The following WDR46 variants were observed in gnomAD, a reference collection of about 807,000 sequenced individuals.
WDR46 encodes WD repeat domain 46.
WDR46 carries 58 observed loss-of-function variants against 74.7 expected under a neutral mutation model. The observed-to-expected ratio is 0.78, with a 90% confidence interval of 0.63 to 0.97. The LOEUF (loss-of-function observed/expected upper bound fraction) is 0.97. Among genes scored for constraint, WDR46 ranks in the 50% least tolerant of loss-of-function variants. The pLI, the probability that WDR46 is intolerant of heterozygous loss-of-function variation, is 0.00. For synonymous variants in WDR46, 278 were observed against 297.3 expected, an observed-to-expected ratio of 0.93 and a Z score of 0.67; for missense variants, 702 against 790.1, an observed-to-expected ratio of 0.89 and a Z score of 1.34.
chr6:33,287,326 A>C (rs446735), intron 8 of WDR46, 29 bp downstream of exon 8: 871,155 of 1,611,646 alleles, frequency 0.54, 238,963 homozygotes, highest in African/African-American at 0.74. Flanking sequence ...AGGGCTTCCA[A>C]CCAGTTCCTG....
chr6:33,286,122 CAG>C (rs987940394), intron 10 of WDR46, among the ~76,000 whole-genome samples: 2 of 144,238 alleles, frequency 1.4e-5, no homozygotes, highest in African/African-American at 5.3e-5. Flanking sequence ...ACCTGGGAGA[CAG>C]AGCAAGACTA....
At chr6:33,288,127 C>T (rs1344837041) in intron 5 of WDR46, 21 bp downstream of exon 5, 2 of 1,614,082 alleles carry the variant, frequency 1.2e-6, no homozygotes, top group Non-Finnish European at 8.5e-7. Context: ...TCCCTTGGCT[C>T]CTTTACCTCC....
intron 8 of WDR46, 36 bp from the exon 9 acceptor site, chr6:33,287,262 G>T: frequency 6.2e-7 from 1 of 1,612,892 alleles, no homozygotes; most frequent in Non-Finnish European, 8.5e-7. Flanking sequence ...ACCCAGTCCT[G>T]ATTGCCCTCT....
intron 10 of WDR46, among the ~76,000 whole-genome samples, chr6:33,282,429 T>TGCTG (rs1766266865): frequency 6.6e-6 from 1 of 152,222 alleles, no homozygotes; most frequent in Non-Finnish European, 1.5e-5. Flanking sequence ...CAAGGATGCA[T>TGCTG]GCTGGCTCTT....
At chr6:33,286,312 T>C (rs1766626067) in intron 10 of WDR46, among the ~76,000 whole-genome samples, 1 of 152,002 alleles carries the variant, frequency 6.6e-6, no homozygotes, top group Non-Finnish European at 1.5e-5. Flanking sequence ...CCAGGTGTTG[T>C]AGCAGGCGCC....
rs1455457494 is a variant in WDR46 at position 33,289,110 on chromosome 6, T to G, written c.61A>C (p.Lys21Gln). The part of the protein sequence containing the change: ...VPPKKDKLQT[K>Q]RKKPRRYWEE... The stretch of plus-strand genomic sequence containing the variant: ...CCCAGGGAGGCCTCTACCTTTCTCT[T>G]GGTCTGAAGTTTGTCTTTCTTGGGC... Residue 21 changes from lysine (K) to glutamine (Q), a missense_variant, in exon 1 of 15, where the codon AAG becomes CAG. Lys to Gln is a moderately conservative substitution (Grantham distance 53). Transcript: ENST00000374617. 1 of 1,613,172 alleles carries G rather than the reference T, an allele frequency of 6.2e-7. No individual in the cohort carries two copies.
In WDR46 at chr6:33,288,778, C is replaced by T. The variant is rs1361643421; in HGVS notation, c.279+26G>A. The T allele has an allele frequency of 1.9e-6, 3 of 1,613,624 alleles. No homozygotes were observed. The South Asian group carries it at 3.3e-5, about 18-fold the overall frequency. On this transcript the variant is annotated intron_variant, in intron 2 of 14. Coordinates refer to ENST00000374617, the MANE Select transcript of WDR46 (RefSeq NM_005452.6). Reference sequence around the variant, plus strand: ...TCTCAAGGAACGAGGCGGCCTGCCTCGCCACCCATCAGGTCCCACGCTCAC... The same window carrying T: ...TCTCAAGGAACGAGGCGGCCTGCCTTGCCACCCATCAGGTCCCACGCTCAC...
At chr6:33,287,573 C>T (rs1204843411) in intron 7 of WDR46, 41 bp downstream of exon 7, 1 of 1,613,542 alleles carries the variant, frequency 6.2e-7, no homozygotes, top group Non-Finnish European at 8.5e-7. Context: ...CAGGAATGGA[C>T]TATCTCACCC....
At chr6:33,287,879 A>G (rs752557502) in intron 6 of WDR46, 86 bp downstream of exon 6, 9 of 1,562,890 alleles carry the variant, frequency 5.8e-6, no homozygotes, top group Non-Finnish European at 7.9e-6. Flanking sequence ...CCCTCCCCTC[A>G]TCAGCAACCC....
At chr6:33,280,289 GTGGGGAACCTGACCTTCTCCAGCA>G in intron 12 of WDR46, 115 bp downstream of exon 12, 1 of 771,408 alleles carries the variant, frequency 1.3e-6, no homozygotes, top group Non-Finnish European at 2.1e-6. Context: ...TTCTCCAGCA[GTGGGGAACCTGACCTTCTCCAGCA>G]GGGGGGAACC....
At position 33,288,586 on chromosome 6, in the gene WDR46, A is replaced by G. The variant is rs753301541; in HGVS notation, c.360+28T>C. ...CACCCAGACACTCCCTGCCTCCAGC[A>G]CTTCCCAACTCTCCGGCTGGACCTC... On this transcript the variant is annotated intron_variant, in intron 3 of 14. Transcript: ENST00000374617. The G allele has an allele frequency of 8.7e-6, 14 of 1,609,014 alleles. No individual in the cohort carries two copies. The East Asian group carries it at 3.1e-4, about 36-fold the overall frequency.
chr6:33,280,657 T>A lies in WDR46; in HGVS notation c.1429+17A>T, dbSNP rs1766089260. 1 of 1,583,304 alleles carries A rather than the reference T, an allele frequency of 6.3e-7. No homozygotes were observed. The highest frequency in any genetic ancestry group is 1.3e-5 in the African/African-American group (1 of 74,294). On this transcript the variant is annotated intron_variant, in intron 11 of 14. Transcript: ENST00000374617. ...CAGAGTTCATTCACTTCAAGCCCCA[T>A]CCCCTGGCCCACTCACCAGGGACCA...
chr6:33,288,074 T>C, intron 5 of WDR46, 48 bp from the exon 6 acceptor site: 1 of 1,613,948 alleles, frequency 6.2e-7, no homozygotes, highest in Non-Finnish European at 8.5e-7. Context: ...AGTAACGCCT[T>C]CTTCTAGCCC....
chr6:33,288,094 T>C, intron 5 of WDR46, 54 bp downstream of exon 5: 1 of 1,614,030 alleles, frequency 6.2e-7, no homozygotes, highest in African/African-American at 1.3e-5. Flanking sequence ...CCCATTCCTC[T>C]ATTGTCCTGC....
At chr6:33,287,274 TATTCCCTCTGC>T (rs1483637530) in intron 8 of WDR46, 48 bp from the exon 9 acceptor site, 1 of 1,612,544 alleles carries the variant, frequency 6.2e-7, no homozygotes, top group Admixed American at 1.7e-5. Context: ...TTGCCCTCTG[TATTCCCTCTGC>T]TGGGGTCCTA....
intron 12 of WDR46, 128 bp from the exon 13 acceptor site, chr6:33,279,987 C>A: frequency 1.2e-6 from 1 of 846,942 alleles, no homozygotes; most frequent in South Asian, 1.7e-5. Context: ...GGAGAGCTTT[C>A]TCTACCTCCA....
intron 10 of WDR46, among the ~76,000 whole-genome samples, chr6:33,286,135 C>T (rs1264399296): frequency 7.2e-6 from 1 of 139,116 alleles, no homozygotes; most frequent in Non-Finnish European, 1.5e-5. Flanking sequence ...AGCAAGACTA[C>T]GTCTCTCTCA....
At chr6:33,282,656 A>T (rs1472301112) in intron 10 of WDR46, among the ~76,000 whole-genome samples, 1 of 152,242 alleles carries the variant, frequency 6.6e-6, no homozygotes, top group Non-Finnish European at 1.5e-5. Context: ...ACCAGAGAAA[A>T]GCAGGGATGG....
In WDR46 at chr6:33,287,509, GGGGAGA is replaced by G. The variant is rs777732325; in HGVS notation, c.729-10_729-5del. 6.2e-7 allele frequency: 1 copy of G among 1,613,434 alleles called. No homozygotes were observed. Among genetic ancestry groups the G allele is most frequent in the South Asian group, 1.1e-5 (1 of 90,982 alleles). ...CAGTGCCTCAGAATGGAGAAACCTG[GGGGAGA>G]GGAAGAGTGGTTCAATTGGGAAATG... is the stretch of plus-strand genomic sequence containing the variant. On this transcript the variant is annotated splice_region_variant and splice_polypyrimidine_tract_variant and intron_variant, in intron 7 of 14. Coordinates refer to ENST00000374617, the MANE Select transcript of WDR46 (RefSeq NM_005452.6).
Sources: gnomAD v4.1 joint callset for allele counts (sites outside exome capture counted in the v4.1 genomes callset) on GRCh38, gnomAD v4.1.1 for gene constraint, MANE v1.5 for transcripts, NCBI Gene and HGNC (gene_info 2026-07-23, HGNC 2026-07-21) for gene names.